TTC7A: variants seen among roughly 807,000 people sequenced by gnomAD.
TTC7A encodes the protein tetratricopeptide repeat protein 7A.
A neutral mutation model predicts 103.7 loss-of-function variants in TTC7A; 110 were observed. That is an observed-to-expected ratio of 1.06 (90% CI 0.91 to 1.24). TTC7A has a LOEUF of 1.24. Among genes scored for constraint, TTC7A ranks in the 50% most tolerant of loss-of-function variants. The pLI, the probability that TTC7A is intolerant of heterozygous loss-of-function variation, is 0.00. For synonymous variants in TTC7A, 521 were observed against 467.9 expected, an observed-to-expected ratio of 1.11 and a Z score of -1.47; for missense variants, 1,340 against 1,116.3, an observed-to-expected ratio of 1.20 and a Z score of -2.86.
rs1369472389 is a variant in TTC7A at position 47,038,153 on chromosome 2, G to A, written c.1803-8162G>A. Among the ~76,000 whole-genome samples the A allele has an allele frequency of 5.3e-5, 8 of 151,970 alleles. No homozygotes were observed. In the East Asian group the frequency reaches 1.2e-3, roughly 22 times the overall value. On this transcript the variant is annotated intron_variant, in intron 15 of 19. Transcript: ENST00000319190. ...GCATGCCTGTTGTCCCAGCTACTCA[G>A]GAGGCTGAGGCAGGAGAATCGCTTG... is the stretch of plus-strand genomic sequence containing the variant.
At chr2:46,958,496 A>C in intron 3 of TTC7A, 1 of 1,303,402 alleles carries the variant, frequency 7.7e-7, no homozygotes, top group African/African-American at 1.5e-5. Context: ...TCTTTCCAGC[A>C]TGCCTCCGGC....
intron 15 of TTC7A, among the ~76,000 whole-genome samples, chr2:47,036,292 T>G (rs75373534): frequency 0.034 from 5,128 of 152,268 alleles, 154 homozygotes; most frequent in Admixed American, 0.076. Flanking sequence ...GGCACTAACT[T>G]CAGGAAACCA....
At chr2:47,023,948 G>T (rs1055786444) in intron 13 of TTC7A, among the ~76,000 whole-genome samples, 3 of 151,004 alleles carry the variant, frequency 2.0e-5, no homozygotes, top group African/African-American at 7.3e-5. Flanking sequence ...CTCTGCCCTG[G>T]TGCCTGACTT....
At chr2:46,935,676 G>A (rs967554484) in intron 2 of TTC7A, among the ~76,000 whole-genome samples, 13 of 152,322 alleles carry the variant, frequency 8.5e-5, no homozygotes, top group Middle Eastern at 3.4e-3. Context: ...TGCAGTCCAA[G>A]ACCCCTGACT....
Position 47,006,728 on chromosome 2 carries a change from A to C in TTC7A, c.1287+4A>C. ...CTCCATGGTGGCTTGTGGGAAGGTA[A>C]GGCCCAGGGGGCGCTAGGGGTTGCA... is the stretch of plus-strand genomic sequence containing the variant. On this transcript the variant is annotated splice_donor_region_variant and intron_variant, in intron 10 of 19. Transcript: ENST00000319190. 6.2e-7 allele frequency: 1 copy of C among 1,611,572 alleles called. No homozygotes were observed. The highest frequency in any genetic ancestry group is 2.2e-5 in the East Asian group (1 of 44,874).
At chr2:47,012,924 G>C (rs1678234562) in intron 11 of TTC7A, among the ~76,000 whole-genome samples, 1 of 152,178 alleles carries the variant, frequency 6.6e-6, no homozygotes, top group African/African-American at 2.4e-5. Flanking sequence ...TGTCATTTAG[G>C]CTGGGGAGAA....
At chr2:47,046,687 G>C (rs148133025) in intron 16 of TTC7A, 6 of 490,360 alleles carry the variant, frequency 1.2e-5, no homozygotes, top group African/African-American at 1.2e-4. Flanking sequence ...AATCATTCTT[G>C]AGCACTGGAG....
intron 15 of TTC7A, among the ~76,000 whole-genome samples, chr2:47,040,121 A>C (rs996204622): frequency 2.6e-5 from 4 of 152,194 alleles, no homozygotes; most frequent in African/African-American, 7.2e-5. Flanking sequence ...GGTGTGGTCT[A>C]CTGAAGGCTC....
chr2:47,072,661 C>T (rs1463243082), intron 19 of TTC7A, among the ~76,000 whole-genome samples: 2 of 152,248 alleles, frequency 1.3e-5, no homozygotes, highest in African/African-American at 4.8e-5. Context: ...CGGCCCCCGC[C>T]TGTCCAGGAA....
rs1491522321 is a variant in TTC7A at position 46,965,564 on chromosome 2, T to TA, written c.517+8557_517+8558insA. Among the ~76,000 whole-genome samples the TA allele has an allele frequency of 7.0e-4, 39 of 55,464 alleles. 1 individual carries two copies. In the Middle Eastern group the frequency reaches 0.075, roughly 107 times the overall value. The allele number at this position is 55,464 out of a possible 152,430, so 36.4% of individuals were successfully genotyped here. ...AATTAATCCGTTTTCCCTGGATTCA[T>TA]TTTTTTTTTTTTTTTTTGAGACAGT... On this transcript the variant is annotated intron_variant, in intron 3 of 19. Transcript: ENST00000319190.
intron 15 of TTC7A, among the ~76,000 whole-genome samples, chr2:47,032,792 T>TG (rs1007842749): frequency 6.7e-6 from 1 of 148,160 alleles, no homozygotes; most frequent in Non-Finnish European, 1.5e-5. Flanking sequence ...CAAAACTAAT[T>TG]GGGAAAAAAA....
chr2:47,056,929 T>G (rs947075775), intron 18 of TTC7A, among the ~76,000 whole-genome samples: 2 of 152,052 alleles, frequency 1.3e-5, no homozygotes, highest in Admixed American at 1.3e-4. Context: ...TCCAGCCCCG[T>G]GTGCTGGATG....
At position 47,028,518 on chromosome 2, in the gene TTC7A, G is replaced by A. The variant is rs144888917; in HGVS notation, c.1642-706G>A. Among the ~76,000 whole-genome samples the A allele has an allele frequency of 6.6e-5, 10 of 152,262 alleles. No homozygotes were observed. The East Asian group carries it at 7.7e-4, about 12-fold the overall frequency. ...CTCTTTCATGCAGTGCTCCGAGAAG[G>A]GAGGCAGCAAACTCAAGCCAGTGAA... On this transcript the variant is annotated intron_variant, in intron 14 of 19. Coordinates refer to ENST00000319190, the MANE Select transcript of TTC7A (RefSeq NM_020458.4).
At chr2:47,070,360 C>T (rs1684571271) in intron 19 of TTC7A, among the ~76,000 whole-genome samples, 2 of 152,242 alleles carry the variant, frequency 1.3e-5, no homozygotes, top group African/African-American at 4.8e-5. Flanking sequence ...CAGGGCTTGC[C>T]AAGCTCCACG....
chr2:47,051,598 G>T, intron 17 of TTC7A, 148 bp from the exon 18 acceptor site: 1 of 1,021,358 alleles, frequency 9.8e-7, no homozygotes, highest in Non-Finnish European at 1.4e-6. Context: ...TAGTGGGTCT[G>T]TGAGCTGCTT....
chr2:46,986,539 T>A (rs1450280367), intron 5 of TTC7A, among the ~76,000 whole-genome samples: 1 of 145,606 alleles, frequency 6.9e-6, no homozygotes, highest in African/African-American at 2.6e-5. Flanking sequence ...GAGGTGGGGG[T>A]GCTGCCTGGG....
intron 1 of TTC7A, among the ~76,000 whole-genome samples, chr2:46,942,105 C>T (rs893189185): frequency 1.3e-5 from 2 of 152,176 alleles, no homozygotes; most frequent in African/African-American, 4.8e-5. Flanking sequence ...TCGTCTTTGT[C>T]CATAGTTCTC....
At chr2:46,920,497 T>C (rs1273271020) in intron 2 of TTC7A, among the ~76,000 whole-genome samples, 1 of 151,802 alleles carries the variant, frequency 6.6e-6, no homozygotes, top group East Asian at 1.9e-4. Flanking sequence ...GCCCAGCTAA[T>C]TTTTTGTATT....
intron 15 of TTC7A, among the ~76,000 whole-genome samples, chr2:47,036,685 C>T (rs549432433): frequency 2.6e-5 from 4 of 152,122 alleles, no homozygotes; most frequent in Non-Finnish European, 5.9e-5. Flanking sequence ...AGCAAGACCT[C>T]GTCTGTACAA....
Sources: gnomAD v4.1 joint callset for allele counts (sites outside exome capture counted in the v4.1 genomes callset) on GRCh38, gnomAD v4.1.1 for gene constraint, MANE v1.5 for transcripts, NCBI Gene and HGNC (gene_info 2026-07-23, HGNC 2026-07-21) for gene names.